Variants in SERPINB8 observed in about 807,000 individuals in gnomAD.
The protein encoded by SERPINB8 is serpin B8.
In SERPINB8, 25 loss-of-function variants were observed where a neutral mutation model predicts 35.3. That is an observed-to-expected ratio of 0.71 (90% CI 0.52 to 0.99). The LOEUF is 0.99. SERPINB8 is among the 50% of genes least tolerant of loss of function. The probability of loss-of-function intolerance (pLI) is 0.00; values close to 1 mark genes in which losing one functional copy is unlikely to be tolerated. For missense variants in SERPINB8, 484 were observed against 446.5 expected, an observed-to-expected ratio of 1.08 and a Z score of -0.76; for synonymous variants, 186 against 160.8, an observed-to-expected ratio of 1.16 and a Z score of -1.19.
intron 1 of SERPINB8, among the ~76,000 whole-genome samples, chr18:63,971,165 C>A (rs144984916): frequency 2.6e-5 from 4 of 152,174 alleles, no homozygotes; most frequent in Non-Finnish European, 4.4e-5. Context: ...CCGTTTCGCG[C>A]GCGCGCTCTC....
chr18:63,977,097 A>G (rs2050594066), intron 1 of SERPINB8, among the ~76,000 whole-genome samples: 1 of 152,150 alleles, frequency 6.6e-6, no homozygotes, highest in African/African-American at 2.4e-5. Context: ...TGGAGACATT[A>G]AACTGAAAGA....
At chr18:63,996,214 G>C (rs949789113) in intron 1 of SERPINB8, among the ~76,000 whole-genome samples, 6 of 152,152 alleles carry the variant, frequency 3.9e-5, no homozygotes, top group African/African-American at 1.4e-4. Context: ...GGACAATTGG[G>C]CTGGTTTCAA....
In SERPINB8 at chr18:63,988,953, G is replaced by T. The variant is rs143986746; in HGVS notation, c.*1675G>T. 1 of 152,140 alleles carries T rather than the reference G, an allele frequency of 6.6e-6. No individual in the cohort carries two copies. The highest frequency in any genetic ancestry group is 1.9e-4 in the East Asian group (1 of 5,182). The allele number at this position is 152,140 out of a possible 1,614,324, so 9.4% of individuals were successfully genotyped here. ...CACATTTTCCATGAAACAAACCATCGCTATATTCAAGATAATGAACCTATC... is the reference window on the plus strand; with the variant it reads ...CACATTTTCCATGAAACAAACCATCTCTATATTCAAGATAATGAACCTATC... On this transcript the variant is annotated 3_prime_UTR_variant, in exon 7 of 7. Coordinates refer to ENST00000397985, the MANE Select transcript of SERPINB8 (RefSeq NM_002640.4).
chr18:63,973,108 G>C (rs978012125), intron 1 of SERPINB8, among the ~76,000 whole-genome samples: 1 of 152,180 alleles, frequency 6.6e-6, no homozygotes, highest in Admixed American at 6.5e-5. Context: ...GTCCTACCAA[G>C]AGTTTAAAAG....
chr18:64,002,997 T>G (rs551622101), intron 1 of SERPINB8, among the ~76,000 whole-genome samples: 105 of 151,786 alleles, frequency 6.9e-4, no homozygotes, highest in African/African-American at 2.5e-3. Context: ...TGCCCGGGAG[T>G]CCTGCGTTCT....
chr18:63,971,431 G>A (rs936888716), intron 1 of SERPINB8, among the ~76,000 whole-genome samples: 1 of 152,132 alleles, frequency 6.6e-6, no homozygotes, highest in African/African-American at 2.4e-5. Context: ...TGTGTTCCAC[G>A]CATCTCAAAT....
At chr18:63,971,954 C>T (rs370884291) in intron 1 of SERPINB8, among the ~76,000 whole-genome samples, 1 of 152,144 alleles carries the variant, frequency 6.6e-6, no homozygotes, top group South Asian at 2.1e-4. Context: ...ATTTGCATCC[C>T]CCATTTCACC....
intron 4 of SERPINB8, 136 bp from the exon 5 acceptor site, chr18:63,983,443 T>G: frequency 2.6e-6 from 2 of 759,960 alleles, no homozygotes; most frequent in Non-Finnish European, 4.4e-6. Flanking sequence ...CACCATCGCC[T>G]AATTCATCAG....
chr18:63,992,572 A>G (rs2050829936), downstream of SERPINB8, among the ~76,000 whole-genome samples: 1 of 152,062 alleles, frequency 6.6e-6, no homozygotes, highest in Admixed American at 6.6e-5. Flanking sequence ...ATTGATTTTC[A>G]CTATTGTTTT....
At chr18:63,985,507 C>CA (rs1174123835) in intron 6 of SERPINB8, among the ~76,000 whole-genome samples, 1 of 152,176 alleles carries the variant, frequency 6.6e-6, no homozygotes, top group African/African-American at 2.4e-5. Context: ...CTTTATTCTG[C>CA]ATGGAAGGTC....
At chr18:63,973,322 A>G (rs1287885381) in intron 1 of SERPINB8, among the ~76,000 whole-genome samples, 1 of 152,036 alleles carries the variant, frequency 6.6e-6, no homozygotes, top group East Asian at 1.9e-4. Flanking sequence ...TCCATTGCCC[A>G]CTTTTTGATG....
At chr18:63,974,904 A>G (rs1257378158) in intron 1 of SERPINB8, among the ~76,000 whole-genome samples, 1 of 152,082 alleles carries the variant, frequency 6.6e-6, no homozygotes, top group Non-Finnish European at 1.5e-5. Flanking sequence ...GATGGGAAAT[A>G]CCACATACTG....
In SERPINB8 at chr18:63,987,513, G is replaced by A. The variant is rs540044901; in HGVS notation, c.*235G>A. ...TGGTTTTGGAGTGTTTGGGGTGCCT[G>A]CCATTGCCTCTGCCTTCACCTAAGT... is the stretch of plus-strand genomic sequence containing the variant. On this transcript the variant is annotated 3_prime_UTR_variant, in exon 7 of 7. Transcript: ENST00000397985. 5.9e-6 allele frequency: 3 copies of A among 511,348 alleles called. No individual in the cohort carries two copies. Among genetic ancestry groups the A allele is most frequent in the African/African-American group, 3.9e-5 (2 of 51,792 alleles). 31.7% of individuals were successfully genotyped at this position (511,348 alleles called of 1,614,324 possible).
intron 1 of SERPINB8, among the ~76,000 whole-genome samples, chr18:64,000,036 G>A (rs2050866908): frequency 6.6e-6 from 1 of 152,126 alleles, no homozygotes; most frequent in Admixed American, 6.5e-5. Flanking sequence ...GAGTATTTGA[G>A]CAGCTGCATA....
At chr18:63,985,922 G>A (rs1039008883) in intron 6 of SERPINB8, among the ~76,000 whole-genome samples, 1 of 152,176 alleles carries the variant, frequency 6.6e-6, no homozygotes, top group South Asian at 2.1e-4. Context: ...TGATTCTCAT[G>A]ACATGGTAAA....
At position 63,984,442 on chromosome 18, in the gene SERPINB8, A is replaced by G. The variant is rs1294338163; in HGVS notation, c.568-651A>G. On this transcript the variant is annotated intron_variant, in intron 5 of 6. Transcript: ENST00000397985. ...ATACAATCCTGAGCACAAGAAAAAA[A>G]AGTTAGCAGATGTAAAGCCTAACTT... Among the ~76,000 whole-genome samples, 3 of 152,220 alleles carry G rather than the reference A, an allele frequency of 2.0e-5. No homozygotes were observed. In the East Asian group the frequency reaches 5.8e-4, roughly 29 times the overall value.
At chr18:63,997,016 T>G (rs2050852964) in intron 1 of SERPINB8, among the ~76,000 whole-genome samples, 1 of 152,208 alleles carries the variant, frequency 6.6e-6, no homozygotes, top group Non-Finnish European at 1.5e-5. Context: ...CTGGACCCCA[T>G]GGATCCACAT....
At chr18:64,009,950 G>A (rs572835224), downstream of SERPINB8, among the ~76,000 whole-genome samples, 22 of 152,094 alleles carry the variant, frequency 1.4e-4, no homozygotes, top group South Asian at 4.6e-3. Flanking sequence ...TAAAATACAT[G>A]TATTTAAATT....
In SERPINB8 at chr18:63,980,020, A is replaced by G; in HGVS notation, c.306+82A>G. The G allele has an allele frequency of 1.4e-6, 2 of 1,398,868 alleles. 1 individual carries two copies. The highest frequency in any genetic ancestry group is 4.6e-5 in the East Asian group (2 of 43,300). 86.7% of individuals were successfully genotyped at this position (1,398,868 alleles called of 1,614,324 possible). A position where few individuals can be genotyped will look rare whatever the true frequency, so the allele number is the denominator to read the frequency against. On this transcript the variant is annotated intron_variant, in intron 3 of 6. Coordinates refer to ENST00000397985, the MANE Select transcript of SERPINB8 (RefSeq NM_002640.4). ...AGAGCAGATAATAAAGTATAACTGT[A>G]CTGACTTAAAACGTGCTTGGAATTA...
Sources: allele counts gnomAD v4.1 joint callset (sites outside exome capture counted in the v4.1 genomes callset), GRCh38; gene constraint gnomAD v4.1.1; transcripts MANE v1.5; gene names NCBI Gene and HGNC (gene_info 2026-07-23, HGNC 2026-07-21).